UMAD1: variants seen among roughly 807,000 people sequenced by gnomAD.
UMAD1 encodes the protein UBAP1-MVB12-associated (UMA)-domain containing protein 1.
Under a neutral mutation model 6.1 loss-of-function variants are expected in UMAD1, and 8 were observed. The observed-to-expected ratio is 1.30, with a 90% CI of 0.76 to 2.35. The LOEUF (loss-of-function observed/expected upper bound fraction) is 2.35, where lower values mean the gene tolerates loss of function less well. Among genes scored for constraint, UMAD1 ranks in the 30% most tolerant of loss-of-function variants. UMAD1 has a pLI of 0.00. For missense variants in UMAD1, 130 were observed against 78.4 expected (o/e 1.66, Z -2.49); for synonymous variants, 56 against 31.4 (o/e 1.78, Z -2.61).
At chr7:7,813,273 T>C (rs1248120767) in intron 3 of UMAD1, among the ~76,000 whole-genome samples, 3 of 152,114 alleles carry the variant, frequency 2.0e-5, no homozygotes, top group African/African-American at 7.2e-5. Flanking sequence ...TGGACAACCT[T>C]GGCTCACTGC....
At chr7:7,864,349 G>A (rs1222277643) in intron 3 of UMAD1, among the ~76,000 whole-genome samples, 1 of 152,038 alleles carries the variant, frequency 6.6e-6, no homozygotes, top group African/African-American at 2.4e-5. Context: ...ATAAAGACAA[G>A]TAAGAACATT....
chr7:7,758,110 A>C (rs925176022), intron 2 of UMAD1, among the ~76,000 whole-genome samples: 6 of 152,054 alleles, frequency 3.9e-5, no homozygotes, highest in African/African-American at 1.4e-4. Flanking sequence ...GGTTCTCCCT[A>C]TGTTGACCAG....
Position 7,830,859 on chromosome 7 carries a change from A to G in UMAD1, c.156+29116A>G, listed in dbSNP as rs78541957. 0.021 allele frequency among the ~76,000 whole-genome samples: 3,233 copies of G among 152,188 alleles called. 122 individuals are homozygous for G. Among genetic ancestry groups the G allele is most frequent in the African/African-American group, 0.074 (3,069 of 41,498 alleles). On this transcript the variant is annotated intron_variant, in intron 3 of 3. Coordinates refer to ENST00000682710, the MANE Select transcript of UMAD1 (RefSeq NM_001302348.2). The surrounding 1 kb of genome is among the most constrained non-coding windows in gnomAD (Gnocchi z 5.3). ...CCTGTTTATATCTTCCCATCTTTTT[A>G]AGTATCTGCATAGAAAAATTTGTTA...
intron 2 of UMAD1, among the ~76,000 whole-genome samples, chr7:7,745,840 C>G (rs1030406854): frequency 2.0e-5 from 3 of 152,158 alleles, no homozygotes; most frequent in African/African-American, 7.2e-5. Flanking sequence ...TCTCTGGGCC[C>G]TGAAAGTTTA....
chr7:7,706,942 C>T (rs1465195139), intron 2 of UMAD1, among the ~76,000 whole-genome samples: 2 of 152,140 alleles, frequency 1.3e-5, no homozygotes, highest in Non-Finnish European at 2.9e-5. Flanking sequence ...GAGATGACAG[C>T]AAATCTTTCC....
At chr7:7,781,979 A>G (rs1782354966) in intron 2 of UMAD1, among the ~76,000 whole-genome samples, 1 of 152,134 alleles carries the variant, frequency 6.6e-6, no homozygotes, top group Non-Finnish European at 1.5e-5. Context: ...TTTTGAATGA[A>G]GCAGCAAGTC....
Position 7,878,908 on chromosome 7 carries a change from C to T in UMAD1, c.*1370C>T, listed in dbSNP as rs1784475650. ...TGTTAATGATTAAATTAGATCTTTA[C>T]ATAGTTCTTACAAAGCATCAGTCTA... On this transcript the variant is annotated 3_prime_UTR_variant, in exon 4 of 4. Transcript: ENST00000682710. 1 of 152,154 alleles carries T rather than the reference C, an allele frequency of 6.6e-6. No individual in the cohort carries two copies. Among genetic ancestry groups the T allele is most frequent in the Non-Finnish European group, 1.5e-5 (1 of 68,008 alleles). 9.4% of individuals were successfully genotyped at this position (152,154 alleles called of 1,614,324 possible). A position where few individuals can be genotyped will look rare whatever the true frequency, so the allele number is the denominator to read the frequency against.
chr7:7,805,397 C>T (rs1583838535), intron 3 of UMAD1, among the ~76,000 whole-genome samples: 4 of 152,188 alleles, frequency 2.6e-5, no homozygotes. Context: ...TCACACTGCA[C>T]ATCCAGTCTA....
intron 2 of UMAD1, among the ~76,000 whole-genome samples, chr7:7,696,376 G>C (rs1182311042): frequency 6.6e-6 from 1 of 151,536 alleles, no homozygotes; most frequent in African/African-American, 2.4e-5. Context: ...TAAAAACTGT[G>C]AAATCATATT....
intron 2 of UMAD1, among the ~76,000 whole-genome samples, chr7:7,714,872 T>A (rs6971629): frequency 6.7e-6 from 1 of 149,334 alleles, no homozygotes; most frequent in Non-Finnish European, 1.5e-5. Flanking sequence ...TTTTTTTTTT[T>A]AGTTGATAGT....
intron 3 of UMAD1, among the ~76,000 whole-genome samples, chr7:7,814,271 A>G (rs1783084130): frequency 6.6e-6 from 1 of 152,236 alleles, no homozygotes; most frequent in Admixed American, 6.5e-5. Flanking sequence ...GGCGTGAGCC[A>G]CTGTCATATT....
intron 2 of UMAD1, among the ~76,000 whole-genome samples, chr7:7,778,547 C>T (rs1249524652): frequency 6.6e-5 from 10 of 151,762 alleles, no homozygotes; most frequent in Non-Finnish European, 1.3e-4. Flanking sequence ...TCCTGAGCAG[C>T]TAGGGCTACA....
chr7:7,773,316 A>G (rs1782137966), intron 2 of UMAD1, among the ~76,000 whole-genome samples: 1 of 152,248 alleles, frequency 6.6e-6, no homozygotes, highest in East Asian at 1.9e-4. Flanking sequence ...AAGACCAGAA[A>G]CCATGAGAGG....
chr7:7,721,407 T>G lies in UMAD1; in HGVS notation c.82+47954T>G, dbSNP rs182296588. ...TCAAATTTGAATTCTACTTTAAATG[T>G]TAAGGCACCTGCGTGAAAACCACAC... On this transcript the variant is annotated intron_variant, in intron 2 of 3. Coordinates refer to ENST00000682710, the MANE Select transcript of UMAD1 (RefSeq NM_001302348.2). Among the ~76,000 whole-genome samples the G allele has an allele frequency of 2.7e-3, 405 of 152,316 alleles. 3 individuals carry two copies. The highest frequency in any genetic ancestry group is 9.2e-3 in the African/African-American group (384 of 41,578).
chr7:7,808,808 T>G (rs1179457993), intron 3 of UMAD1, among the ~76,000 whole-genome samples: 1 of 151,994 alleles, frequency 6.6e-6, no homozygotes, highest in Admixed American at 6.6e-5. Flanking sequence ...ATTTGTGTAT[T>G]TGTCTTGAGT....
At chr7:7,702,608 C>T (rs527918539) in intron 2 of UMAD1, among the ~76,000 whole-genome samples, 2 of 152,178 alleles carry the variant, frequency 1.3e-5, no homozygotes, top group African/African-American at 4.8e-5. Context: ...AAATGAACAG[C>T]CCTCAAAGAT....
intron 2 of UMAD1, among the ~76,000 whole-genome samples, chr7:7,754,636 T>C (rs1781740869): frequency 6.6e-6 from 1 of 152,258 alleles, no homozygotes; most frequent in African/African-American, 2.4e-5. Flanking sequence ...ACAAATATAC[T>C]GATTTTTAAA....
chr7:7,865,470 A>G (rs1784208550), intron 3 of UMAD1, among the ~76,000 whole-genome samples: 1 of 152,216 alleles, frequency 6.6e-6, no homozygotes, highest in Non-Finnish European at 1.5e-5. Flanking sequence ...TTGGGGAGGA[A>G]TAAGGGGTGG....
chr7:7,675,946 C>T (rs559406520), intron 2 of UMAD1, among the ~76,000 whole-genome samples: 6 of 152,202 alleles, frequency 3.9e-5, no homozygotes, highest in Non-Finnish European at 8.8e-5. Context: ...AGCTCCACCC[C>T]TTCACCATTT....
Sources: allele counts gnomAD v4.1 joint callset (sites outside exome capture counted in the v4.1 genomes callset), GRCh38; gene constraint gnomAD v4.1.1; non-coding constraint Gnocchi (gnomAD v3.1); transcripts MANE v1.5; gene names NCBI Gene and HGNC (gene_info 2026-07-23, HGNC 2026-07-21).